RGS6: variants seen among roughly 807,000 people sequenced by gnomAD.
RGS6 encodes the protein regulator of G protein signaling 6.
A neutral mutation model predicts 78.5 loss-of-function variants in RGS6; 30 were observed. The ratio of observed to expected loss-of-function variants is 0.38; its 90% CI spans 0.29 to 0.52. RGS6 has a LOEUF of 0.52. RGS6 is among the 20% of genes least tolerant of loss of function. The pLI, the probability that RGS6 is intolerant of heterozygous loss-of-function variation, is 0.85. For missense variants in RGS6, 495 were observed against 609.7 expected (o/e 0.81, Z 1.98); for synonymous variants, 206 against 206.0 (o/e 1.00, Z 0.00).
intron 2 of RGS6, among the ~76,000 whole-genome samples, chr14:72,162,494 G>T (rs1160402173): frequency 6.6e-6 from 1 of 152,116 alleles, no homozygotes. Flanking sequence ...TCTGGAGTTG[G>T]GGCTAAGGAG....
chr14:72,120,613 A>G (rs550161446), intron 2 of RGS6, among the ~76,000 whole-genome samples: 1 of 152,356 alleles, frequency 6.6e-6, no homozygotes, highest in African/African-American at 2.4e-5. Context: ...TTGTGTTCAT[A>G]CAGTGGAATA....
rs182206276 is a variant in RGS6, at chr14:72,558,759, G to A, written c.1423-3658G>A. ...AAATTGAAGGATCCCAAATTCTACT[G>A]GATTACACTTTGCCAAATGTCTCAA... On this transcript the variant is annotated intron_variant, in intron 17 of 17. Transcript: ENST00000553525. 1.4e-4 allele frequency among the ~76,000 whole-genome samples: 21 copies of A among 152,306 alleles called. No homozygotes were observed. The East Asian group carries it at 3.1e-3, about 22-fold the overall frequency.
chr14:72,335,314 C>T (rs74512593), intron 2 of RGS6, among the ~76,000 whole-genome samples: 1,761 of 152,224 alleles, frequency 0.012, 14 homozygotes, highest in South Asian at 0.025. Flanking sequence ...CTTCCTTCTC[C>T]GCTACTGACT....
chr14:71,913,631 C>T, the RGS6 span, among the ~76,000 whole-genome samples: 7 of 152,140 alleles, frequency 4.6e-5, no homozygotes, highest in Non-Finnish European at 7.3e-5. Context: ...CTGTTCTGGC[C>T]GATGAGACTT....
intron 2 of RGS6, among the ~76,000 whole-genome samples, chr14:72,327,300 C>T (rs2074019742): frequency 6.6e-6 from 1 of 152,128 alleles, no homozygotes; most frequent in Non-Finnish European, 1.5e-5. Context: ...GGAGCAGGGA[C>T]TGTCAGAACT....
intron 7 of RGS6, among the ~76,000 whole-genome samples, chr14:72,468,162 C>T (rs1480413716): frequency 6.6e-6 from 1 of 152,034 alleles, no homozygotes; most frequent in Non-Finnish European, 1.5e-5. Flanking sequence ...GGGCAGATCA[C>T]GAGGTCAGGA....
chr14:72,438,086 C>G (rs2095023486), intron 3 of RGS6, among the ~76,000 whole-genome samples: 1 of 152,058 alleles, frequency 6.6e-6, no homozygotes, highest in Non-Finnish European at 1.5e-5. Flanking sequence ...CAGACAGGTT[C>G]CAGGAGGGCC....
rs566184833 is a variant in RGS6, at chr14:72,431,389, A to C, written c.185-23139A>C. Among the ~76,000 whole-genome samples the C allele has an allele frequency of 2.0e-5, 3 of 152,010 alleles. No homozygotes were observed. The South Asian group carries it at 6.2e-4, about 32-fold the overall frequency. On this transcript the variant is annotated intron_variant, in intron 3 of 17. Coordinates refer to ENST00000553525, the MANE Select transcript of RGS6 (RefSeq NM_001204424.2). The stretch of plus-strand genomic sequence containing the variant: ...TCTTTTTGAGACAGAGTCTCATTCC[A>C]TTGTCCAGGCTGGAATGCAGTGGTG...
At chr14:72,192,531 C>G (rs371252535) in intron 2 of RGS6, among the ~76,000 whole-genome samples, 3 of 152,166 alleles carry the variant, frequency 2.0e-5, no homozygotes, top group African/African-American at 7.2e-5. Context: ...GGAGATTCCC[C>G]TCTCACTTTC....
At chr14:71,948,259 AG>A (rs1380091338) in intron 1 of RGS6, among the ~76,000 whole-genome samples, 1 of 152,154 alleles carries the variant, frequency 6.6e-6, no homozygotes, top group African/African-American at 2.4e-5. Context: ...TCTCAGTCTC[AG>A]GGAAGGACTT....
At chr14:72,308,899 C>A (rs910889978) in intron 2 of RGS6, among the ~76,000 whole-genome samples, 1 of 152,172 alleles carries the variant, frequency 6.6e-6, no homozygotes, top group East Asian at 1.9e-4. Context: ...TATGAATCAT[C>A]AAGTCATTTC....
intron 2 of RGS6, among the ~76,000 whole-genome samples, chr14:72,113,923 G>A (rs2095830423): frequency 6.6e-6 from 1 of 152,182 alleles, no homozygotes; most frequent in Non-Finnish European, 1.5e-5. Flanking sequence ...CAATCTGCAA[G>A]TCCATGAAAA....
chr14:72,081,787 G>A (rs534484215), intron 2 of RGS6, among the ~76,000 whole-genome samples: 3 of 152,046 alleles, frequency 2.0e-5, no homozygotes, highest in East Asian at 1.9e-4. Flanking sequence ...ACTGAAAACC[G>A]AAGTTTTAAA....
intron 2 of RGS6, among the ~76,000 whole-genome samples, chr14:72,294,916 C>A (rs2064411015): frequency 6.6e-6 from 1 of 152,152 alleles, no homozygotes; most frequent in South Asian, 2.1e-4. Flanking sequence ...ACCATAGCAG[C>A]CACCACTCTC....
At chr14:72,559,464 C>T (rs1364398039) in intron 17 of RGS6, among the ~76,000 whole-genome samples, 1 of 152,248 alleles carries the variant, frequency 6.6e-6, no homozygotes, top group African/African-American at 2.4e-5. Flanking sequence ...TGCCCTCACT[C>T]ACGCGGGAGG....
In RGS6 at chr14:72,203,159, G is replaced by A. The variant is rs574223106; in HGVS notation, c.85-148936G>A. Among the ~76,000 whole-genome samples the A allele has an allele frequency of 5.3e-5, 8 of 152,240 alleles. No individual in the cohort carries two copies. In the East Asian group the frequency reaches 1.6e-3, roughly 30 times the overall value. On this transcript the variant is annotated intron_variant, in intron 2 of 17. Transcript: ENST00000553525. ...CAAAGTGCTGGGATTATAGGCGTGA[G>A]CCACTGCACCCTGCCCTGATCCTGT...
intron 2 of RGS6, among the ~76,000 whole-genome samples, chr14:72,092,626 C>A (rs2095304613): frequency 6.6e-6 from 1 of 152,220 alleles, no homozygotes; most frequent in Non-Finnish European, 1.5e-5. Flanking sequence ...AGGTGATCCA[C>A]CTGCCTCAGC....
chr14:72,075,117 T>C (rs1374125223), intron 2 of RGS6, among the ~76,000 whole-genome samples: 3 of 152,236 alleles, frequency 2.0e-5, no homozygotes, highest in Admixed American at 1.3e-4. Context: ...TTTTGTTGTG[T>C]TGAAGGGCAT....
chr14:72,037,651 C>A (rs907673973), intron 2 of RGS6, among the ~76,000 whole-genome samples: 17 of 152,136 alleles, frequency 1.1e-4, no homozygotes. Context: ...ACTGTCCTTT[C>A]TCTGATGAAT....
Sources: allele counts gnomAD v4.1 joint callset (sites outside exome capture counted in the v4.1 genomes callset), GRCh38; gene constraint gnomAD v4.1.1; transcripts MANE v1.5; gene names NCBI Gene and HGNC (gene_info 2026-07-23, HGNC 2026-07-21).